Variants in LMO7 observed in about 807,000 individuals in gnomAD.
The protein encoded by LMO7 is LIM domain only protein 7.
LMO7 carries 120 observed loss-of-function variants against 206.5 expected under a neutral mutation model. That is an observed-to-expected ratio of 0.58 (90% confidence interval 0.50 to 0.68). LMO7 has a LOEUF of 0.68. LMO7 is among the 30% of genes least tolerant of loss of function. The probability of loss-of-function intolerance (pLI) is 0.00; values close to 1 mark genes in which losing one functional copy is unlikely to be tolerated. For missense variants in LMO7, 1,959 were observed against 1,957.9 expected (o/e 1.00, Z -0.01); for synonymous variants, 706 against 681.5 (o/e 1.04, Z -0.56).
chr13:75,666,952 T>C (rs1162914008), intron 1 of LMO7, among the ~76,000 whole-genome samples: 1 of 152,102 alleles, frequency 6.6e-6, no homozygotes, highest in African/African-American at 2.4e-5. Flanking sequence ...CTAAAGGAGG[T>C]AGAATCAGTA....
chr13:75,756,126 G>A (rs1453058544), intron 3 of LMO7, among the ~76,000 whole-genome samples: 2 of 152,150 alleles, frequency 1.3e-5, no homozygotes, highest in Admixed American at 6.5e-5. Flanking sequence ...ATTCAAGACG[G>A]TACCTTGCAG....
intron 4 of LMO7, among the ~76,000 whole-genome samples, chr13:75,784,901 A>T (rs1382293984): frequency 1.3e-5 from 2 of 152,194 alleles, no homozygotes; most frequent in Non-Finnish European, 2.9e-5. Flanking sequence ...AGGACCCAGC[A>T]GTGGTAAAAT....
intron 1 of LMO7, among the ~76,000 whole-genome samples, chr13:75,685,996 T>C (rs570610999): frequency 3.6e-4 from 53 of 146,906 alleles, no homozygotes; most frequent in Non-Finnish European, 6.4e-4. Flanking sequence ...CAAGTGATCC[T>C]CCTGCATAGC....
chr13:75,819,150 G>A (rs574630492), intron 12 of LMO7: 22 of 354,758 alleles, frequency 6.2e-5, no homozygotes, highest in African/African-American at 4.4e-4. Context: ...GTGCAATGAG[G>A]CAGATACTTT....
chr13:75,726,130 A>G (rs1372370713), intron 2 of LMO7, among the ~76,000 whole-genome samples: 1 of 151,978 alleles, frequency 6.6e-6, no homozygotes, highest in African/African-American at 2.4e-5. Flanking sequence ...TTTGAATAGG[A>G]AAATTAGTTT....
chr13:75,772,344 G>A (rs1248374423), intron 4 of LMO7, among the ~76,000 whole-genome samples: 1 of 152,104 alleles, frequency 6.6e-6, no homozygotes, highest in Admixed American at 6.5e-5. Flanking sequence ...ATAACTAGTA[G>A]ATGGGTTAGA....
intron 30 of LMO7, chr13:75,857,273 C>T (rs893418861): frequency 6.6e-6 from 1 of 152,228 alleles, no homozygotes; most frequent in Non-Finnish European, 1.5e-5. Flanking sequence ...TACAGCAAGA[C>T]AAGTATTACT....
intron 26 of LMO7, among the ~76,000 whole-genome samples, chr13:75,847,230 C>T (rs1035638285): frequency 6.6e-6 from 1 of 151,968 alleles, no homozygotes; most frequent in Non-Finnish European, 1.5e-5. Flanking sequence ...AAAATAAATC[C>T]TTAGATGCAA....
At chr13:75,756,413 G>A (rs560451392) in intron 3 of LMO7, among the ~76,000 whole-genome samples, 57 of 152,290 alleles carry the variant, frequency 3.7e-4, no homozygotes, top group Middle Eastern at 3.4e-3. Context: ...GTAGGGTAAA[G>A]AAGTAGATTG....
chr13:75,738,303 C>T (rs2046121837), intron 3 of LMO7, among the ~76,000 whole-genome samples: 1 of 152,184 alleles, frequency 6.6e-6, no homozygotes. Flanking sequence ...GTGTATTTAG[C>T]TTCGGTGTCA....
Position 75,636,529 on chromosome 13 carries a change from CGCAGCCGGAGCG to C in LMO7, c.-127_-116del. The C allele has an allele frequency of 6.6e-7, 1 of 1,518,202 alleles. No individual in the cohort carries two copies. The highest frequency in any genetic ancestry group is 1.4e-5 in the African/African-American group (1 of 72,108). 94.0% of individuals were successfully genotyped at this position (1,518,202 alleles called of 1,614,324 possible). ...AAGGGAACTAGAGCCCCGGCGCCTT[CGCAGCCGGAGCG>C]GAAGCCGGAGTTGTGGGAGGCCCGC... On this transcript the variant is annotated 5_prime_UTR_variant, in exon 1 of 31. Coordinates refer to ENST00000377534, the MANE Select transcript of LMO7 (RefSeq NM_001306080.2).
At chr13:75,702,156 T>C (rs1271857715) in intron 1 of LMO7, among the ~76,000 whole-genome samples, 1 of 149,636 alleles carries the variant, frequency 6.7e-6, no homozygotes, top group African/African-American at 2.4e-5. Context: ...TTAACGATGA[T>C]TGAGTGAGAA....
intron 4 of LMO7, among the ~76,000 whole-genome samples, chr13:75,773,311 C>CT (rs2049986160): frequency 6.6e-6 from 1 of 152,030 alleles, no homozygotes; most frequent in African/African-American, 2.4e-5. Flanking sequence ...TGAGTGAGGC[C>CT]TGTAGTATCC....
chr13:75,825,803 G>A lies in LMO7; in HGVS notation c.2949+1930G>A, dbSNP rs543565888. Reference sequence around the variant, plus strand: ...GCTGAGCAATATGTAAAGGGCCTGTGCAACACTCCCTGAAACTCTATTCAG... The same window carrying A: ...GCTGAGCAATATGTAAAGGGCCTGTACAACACTCCCTGAAACTCTATTCAG... On this transcript the variant is annotated intron_variant, in intron 15 of 30. Transcript: ENST00000377534. 2.1e-4 allele frequency among the ~76,000 whole-genome samples: 32 copies of A among 152,242 alleles called. No homozygotes were observed. In the East Asian group the frequency reaches 5.4e-3, roughly 26 times the overall value.
At position 75,852,943 on chromosome 13, in the gene LMO7, A is replaced by T. The variant is rs1375796014; in HGVS notation, c.4365-149A>T. ...AGACATAACCCCATCATCATACATC[A>T]AGGAACATCTGTATATGTAACTAGA... On this transcript the variant is annotated intron_variant, in intron 27 of 30. Transcript: ENST00000377534. 1.2e-5 allele frequency: 8 copies of T among 649,174 alleles called. No individual in the cohort carries two copies. The Admixed American group carries it at 2.6e-4, about 21-fold the overall frequency. The allele number at this position is 649,174 out of a possible 1,614,324, so 40.2% of individuals were successfully genotyped here.
In LMO7 at chr13:75,714,921, C is replaced by CA. The variant is rs1239846479; in HGVS notation, c.140+1671dup. On this transcript the variant is annotated intron_variant, in intron 2 of 30. Transcript: ENST00000377534. ...AAAAAGCCATCAACCATACACCCCA[C>CA]AAGTCTAAATAGGAATTGGGTAGGT... Among the ~76,000 whole-genome samples the CA allele has an allele frequency of 2.0e-5, 3 of 151,798 alleles. No homozygotes were observed. The East Asian group carries it at 5.8e-4, about 29-fold the overall frequency.
Position 75,845,368 on chromosome 13 carries a change from C to T in LMO7, c.4139C>T (p.Thr1380Ile), listed in dbSNP as rs1361158175. Residue 1380 changes from threonine (T) to isoleucine (I), a missense_variant, in exon 26 of 31, where the codon ACA becomes ATA. Transcript: ENST00000377534. The stretch of plus-strand genomic sequence containing the variant: ...ACTACTGAACTGGATGATTACTCCA[C>T]AAATAAAAATGGTAAATGCGATATT... ...RSTTELDDYS[T>I]NKNGNNKYLD... 2 of 1,582,634 alleles carry T rather than the reference C, an allele frequency of 1.3e-6. No individual in the cohort carries two copies. Among genetic ancestry groups the T allele is most frequent in the Non-Finnish European group, 1.7e-6 (2 of 1,154,422 alleles).
chr13:75,624,382 C>T (rs2033748745), intron 2 of LMO7, among the ~76,000 whole-genome samples: 1 of 152,160 alleles, frequency 6.6e-6, no homozygotes, highest in South Asian at 2.1e-4. Context: ...CAAGGTCCAC[C>T]TTCTCTCATT....
At chr13:75,666,070 A>C (rs1333912003) in intron 1 of LMO7, among the ~76,000 whole-genome samples, 1 of 152,236 alleles carries the variant, frequency 6.6e-6, no homozygotes. Context: ...TTCTGACTGC[A>C]CTTGGAGTCA....
Sources: allele counts gnomAD v4.1 joint callset (sites outside exome capture counted in the v4.1 genomes callset), GRCh38; gene constraint gnomAD v4.1.1; transcripts MANE v1.5; gene names NCBI Gene and HGNC (gene_info 2026-07-23, HGNC 2026-07-21).